ZBBX: variants seen among roughly 807,000 people sequenced by gnomAD.
ZBBX encodes the protein zinc finger B-box domain containing.
In ZBBX, 101 loss-of-function variants were observed where a neutral mutation model predicts 108.5. The observed-to-expected ratio is 0.93, with a 90% confidence interval of 0.79 to 1.10. The LOEUF is 1.10. Ranked by LOEUF, ZBBX falls within the 50% of genes least tolerant of loss-of-function variation. The probability of loss-of-function intolerance (pLI) is 0.00; values close to 1 mark genes in which losing one functional copy is unlikely to be tolerated. For synonymous variants in ZBBX, 356 were observed against 323.4 expected (o/e 1.10, Z -1.08); for missense variants, 1,009 against 941.4 (o/e 1.07, Z -0.94).
At position 167,370,102 on chromosome 3, in the gene ZBBX, C is replaced by A. The variant is rs558212016; in HGVS notation, c.69-1528G>T. Reference sequence around the variant, plus strand: ...ATCAGACTTACATTTAGAAAGATCACTCAGGCTGTATCAAAGGAAATCAAT... The same window carrying A: ...ATCAGACTTACATTTAGAAAGATCAATCAGGCTGTATCAAAGGAAATCAAT... On this transcript the variant is annotated intron_variant, in intron 4 of 21. Coordinates refer to ENST00000675490, the MANE Select transcript of ZBBX (RefSeq NM_001199201.2). 5.5e-5 allele frequency among the ~76,000 whole-genome samples: 8 copies of A among 146,404 alleles called. No individual in the cohort carries two copies. In the South Asian group the frequency reaches 1.7e-3, roughly 30 times the overall value.
chr3:167,231,394 A>G, the ZBBX span, among the ~76,000 whole-genome samples: 13 of 151,896 alleles, frequency 8.6e-5, no homozygotes, highest in Admixed American at 2.6e-4. Flanking sequence ...TTGAAGCACA[A>G]TTTTAAGGAC....
At chr3:167,287,564 G>GT (rs1167118231) in intron 19 of ZBBX, among the ~76,000 whole-genome samples, 1 of 152,090 alleles carries the variant, frequency 6.6e-6, no homozygotes, top group African/African-American at 2.4e-5. Flanking sequence ...TTGAACAAAT[G>GT]TTTTTTATAG....
intron 20 of ZBBX, among the ~76,000 whole-genome samples, chr3:167,254,887 T>TGAGAGAGAGAGAGAATGAGA (rs757639165): frequency 0.76 from 107,243 of 141,080 alleles, 40,537 homozygotes; most frequent in East Asian, 0.9. Context: ...TGTGTGTGTG[T>TGAGAGAGAGAGAGAATGAGA]GAGAGAGAGA....
chr3:167,315,362 AT>A (rs1181213779), intron 15 of ZBBX, among the ~76,000 whole-genome samples: 2 of 152,154 alleles, frequency 1.3e-5, no homozygotes, highest in African/African-American at 4.8e-5. Flanking sequence ...CTAATCATTT[AT>A]AAAACTTTTT....
At chr3:167,184,297 G>A in the ZBBX span, among the ~76,000 whole-genome samples, 1 of 152,140 alleles carries the variant, frequency 6.6e-6, no homozygotes, top group South Asian at 2.1e-4. Flanking sequence ...GTGCATGCCT[G>A]TTGCTTCTTG....
At chr3:167,276,103 G>A (rs1050367673) in intron 20 of ZBBX, among the ~76,000 whole-genome samples, 2 of 152,124 alleles carry the variant, frequency 1.3e-5, no homozygotes, top group African/African-American at 4.8e-5. Context: ...AAACAGAAAG[G>A]ACATCCACAC....
At chr3:167,263,049 T>C (rs1332424691) in intron 20 of ZBBX, among the ~76,000 whole-genome samples, 1 of 147,656 alleles carries the variant, frequency 6.8e-6, no homozygotes, top group Non-Finnish European at 1.5e-5. Flanking sequence ...TTTTTTTTTT[T>C]TTTTTTGAGA....
At chr3:167,270,155 G>A (rs1044376684) in intron 20 of ZBBX, among the ~76,000 whole-genome samples, 15 of 152,164 alleles carry the variant, frequency 9.9e-5, no homozygotes, top group Admixed American at 9.2e-4. Flanking sequence ...ATTCTGAGGG[G>A]CTACAAGTCT....
At chr3:167,364,554 T>C (rs571774156) in intron 6 of ZBBX, among the ~76,000 whole-genome samples, 2 of 34,744 alleles carry the variant, frequency 5.8e-5, no homozygotes, top group Non-Finnish European at 1.2e-4. Context: ...GAGTGAGTTA[T>C]TTAGTTTTTT....
intron 6 of ZBBX, among the ~76,000 whole-genome samples, chr3:167,362,904 C>T (rs1286978429): frequency 1.3e-5 from 2 of 151,802 alleles, no homozygotes; most frequent in Non-Finnish European, 2.9e-5. Context: ...GCAACCTGCT[C>T]GGTATTTCTC....
At chr3:167,276,499 G>A (rs1228049793) in intron 20 of ZBBX, among the ~76,000 whole-genome samples, 2 of 152,080 alleles carry the variant, frequency 1.3e-5, no homozygotes, top group African/African-American at 4.8e-5. Flanking sequence ...TATCAGTGAT[G>A]GAAGATGAAA....
chr3:167,311,188 A>G (rs149034165), intron 16 of ZBBX, among the ~76,000 whole-genome samples: 1 of 152,326 alleles, frequency 6.6e-6, no homozygotes, highest in East Asian at 1.9e-4. Context: ...GAGAAGAATA[A>G]AGGCAATACA....
the ZBBX span, among the ~76,000 whole-genome samples, chr3:167,209,695 T>A: frequency 6.6e-6 from 1 of 152,040 alleles, no homozygotes; most frequent in African/African-American, 2.4e-5. Flanking sequence ...TCCACAAGCA[T>A]CAAGACCATC....
At chr3:167,199,352 G>A in the ZBBX span, among the ~76,000 whole-genome samples, 20 of 152,272 alleles carry the variant, frequency 1.3e-4, no homozygotes, top group Non-Finnish European at 2.1e-4. Flanking sequence ...TGCAGCATCT[G>A]GGGAATACTT....
intron 20 of ZBBX, among the ~76,000 whole-genome samples, chr3:167,275,188 A>C (rs951785691): frequency 6.6e-6 from 1 of 152,160 alleles, no homozygotes; most frequent in Non-Finnish European, 1.5e-5. Context: ...ATGTTCCTTC[A>C]ATCTGTTCAT....
intron 9 of ZBBX, among the ~76,000 whole-genome samples, chr3:167,337,411 C>T (rs1739741721): frequency 6.6e-6 from 1 of 151,902 alleles, no homozygotes; most frequent in East Asian, 1.9e-4. Context: ...CTCAGCTATT[C>T]GGGAGGATGA....
chr3:167,212,383 G>A, the ZBBX span, among the ~76,000 whole-genome samples: 1 of 152,136 alleles, frequency 6.6e-6, no homozygotes, highest in Non-Finnish European at 1.5e-5. Context: ...GACAAAGACT[G>A]TAGGAACAAC....
rs897244541 is a variant in ZBBX at position 167,242,372 on chromosome 3, A to T, written c.2393+133T>A. The T allele has an allele frequency of 1.0e-5, 8 of 761,982 alleles. No individual in the cohort carries two copies. The African/African-American group carries it at 1.4e-4, about 13-fold the overall frequency. 47.2% of individuals were successfully genotyped at this position (761,982 alleles called of 1,614,324 possible). A position where few individuals can be genotyped will look rare whatever the true frequency, so the allele number is the denominator to read the frequency against. On this transcript the variant is annotated intron_variant, in intron 21 of 21. Transcript: ENST00000675490. ...TAATAGATCAGCAAAGGACCCAAAC[A>T]TTCTATAAAGAATGATCATATAAAG... is the stretch of plus-strand genomic sequence containing the variant.
At chr3:167,232,426 T>C in the ZBBX span, among the ~76,000 whole-genome samples, 8 of 151,804 alleles carry the variant, frequency 5.3e-5, no homozygotes, top group Admixed American at 3.3e-4. Flanking sequence ...AAAAGTTCTA[T>C]TATCATTATC....
Sources: allele counts gnomAD v4.1 joint callset (sites outside exome capture counted in the v4.1 genomes callset), GRCh38; gene constraint gnomAD v4.1.1; transcripts MANE v1.5; gene names NCBI Gene and HGNC (gene_info 2026-07-23, HGNC 2026-07-21).